NFILZ: variants seen among roughly 807,000 people sequenced by gnomAD.
NFILZ encodes NFIL3 like basic leucine zipper.
At chr19:8,647,748 AACAC>A (rs138740763) in intron 3 of NFILZ, among the ~76,000 whole-genome samples, 98 of 137,208 alleles carry the variant, frequency 7.1e-4, no homozygotes, top group African/African-American at 1.6e-3. Flanking sequence ...GGAGGGGAAC[AACAC>A]ACACACACAC....
chr19:8,637,028 G>A (rs75896965), intron 3 of NFILZ, among the ~76,000 whole-genome samples: 1 of 152,086 alleles, frequency 6.6e-6, no homozygotes, highest in Non-Finnish European at 1.5e-5. Flanking sequence ...GGTGCCTGGA[G>A]GGGAGGCCAG....
At position 8,679,263 on chromosome 19, in the gene NFILZ, C is replaced by T. The variant is rs1188593328; in HGVS notation, c.*1628C>T. 6.1e-5 allele frequency among the ~76,000 whole-genome samples: 8 copies of T among 131,968 alleles called. No homozygotes were observed. Among genetic ancestry groups the T allele is most frequent in the African/African-American group, 2.4e-4 (8 of 32,780 alleles). 86.6% of individuals were successfully genotyped at this position (131,968 alleles called of 152,430 possible). ...TCCTCCTCAGTTTCTCACTCAGCCC[C>T]TCTCCCATTATTATTATTATTATTA... On this transcript the variant is annotated 3_prime_UTR_variant, in exon 6 of 6. Transcript: ENST00000691075.
Position 8,678,052 on chromosome 19 carries a change from C to A in NFILZ, c.*417C>A, listed in dbSNP as rs1470077097. 1.8e-5 allele frequency among the ~76,000 whole-genome samples: 2 copies of A among 111,376 alleles called. No individual in the cohort carries two copies. Among genetic ancestry groups the A allele is most frequent in the African/African-American group, 7.0e-5 (2 of 28,758 alleles). 73.1% of individuals were successfully genotyped at this position (111,376 alleles called of 152,430 possible). A position where few individuals can be genotyped will look rare whatever the true frequency, so the allele number is the denominator to read the frequency against. Reference sequence around the variant, plus strand: ...TCTATCCATCCATCCATCCATCCATCCACCCATCTATTCATCCATCCATCA... The same window carrying A: ...TCTATCCATCCATCCATCCATCCATACACCCATCTATTCATCCATCCATCA... On this transcript the variant is annotated 3_prime_UTR_variant, in exon 6 of 6. Transcript: ENST00000691075.
At chr19:8,643,061 C>G (rs114529327) in intron 3 of NFILZ, among the ~76,000 whole-genome samples, 16 of 151,840 alleles carry the variant, frequency 1.1e-4, no homozygotes, top group South Asian at 6.2e-4. Context: ...GCTCTCCCCC[C>G]ACCTCAGCCT....
Position 8,678,812 on chromosome 19 carries a change from C to T in NFILZ, c.*1177C>T, listed in dbSNP as rs1416783362. Among the ~76,000 whole-genome samples the T allele has an allele frequency of 6.6e-6, 1 of 152,176 alleles. No homozygotes were observed. Among genetic ancestry groups the T allele is most frequent in the Non-Finnish European group, 1.5e-5 (1 of 68,038 alleles). Reference sequence around the variant, plus strand: ...TAATTTACTTATAATTCACTTGTCCCCTCACCCACCCACTCACGATCTTTA... The same window carrying T: ...TAATTTACTTATAATTCACTTGTCCTCTCACCCACCCACTCACGATCTTTA... On this transcript the variant is annotated 3_prime_UTR_variant, in exon 6 of 6. Coordinates refer to ENST00000691075, the MANE Select transcript of NFILZ (RefSeq NM_001378600.1).
intron 3 of NFILZ, among the ~76,000 whole-genome samples, chr19:8,661,707 C>A (rs1402412914): frequency 6.6e-6 from 1 of 152,148 alleles, no homozygotes; most frequent in Admixed American, 6.5e-5. Flanking sequence ...GCCTGGCCAA[C>A]ATCGTGAAAC....
chr19:8,654,232 C>CAAAACAAACAAACA (rs1190773589), intron 3 of NFILZ, among the ~76,000 whole-genome samples: 1 of 145,872 alleles, frequency 6.9e-6, no homozygotes, highest in Non-Finnish European at 1.5e-5. Context: ...AATTCTGTCT[C>CAAAACAAACAAACA]AAAACAAACA....
At chr19:8,654,272 A>G (rs2042982132) in intron 3 of NFILZ, among the ~76,000 whole-genome samples, 2 of 150,454 alleles carry the variant, frequency 1.3e-5, no homozygotes, top group Non-Finnish European at 2.9e-5. Context: ...ACAAACCAAA[A>G]AACCAAAAAC....
At position 8,674,608 on chromosome 19, in the gene NFILZ, A is replaced by C. The variant is rs2043102815; in HGVS notation, c.-114+8A>C. Among the ~76,000 whole-genome samples the C allele has an allele frequency of 6.6e-6, 1 of 151,892 alleles. No homozygotes were observed. Among genetic ancestry groups the C allele is most frequent in the African/African-American group, 2.4e-5 (1 of 41,364 alleles). On this transcript the variant is annotated splice_region_variant and intron_variant, in intron 4 of 5. Transcript: ENST00000691075. ...TCTCCTATAAGGAATAAGGTATGCA[A>C]TATTTCTCAAACATTTTTGTATTCT...
intron 3 of NFILZ, among the ~76,000 whole-genome samples, chr19:8,668,203 G>A (rs1428557994): frequency 1.3e-5 from 2 of 152,148 alleles, no homozygotes; most frequent in African/African-American, 2.4e-5. Context: ...TGCCTGCCTT[G>A]GCCTCCCAAA....
intron 3 of NFILZ, among the ~76,000 whole-genome samples, chr19:8,637,186 G>A (rs1340422404): frequency 6.6e-6 from 1 of 152,040 alleles, no homozygotes. Flanking sequence ...AGTGAGCTAG[G>A]ACTGTGCACT....
At chr19:8,655,784 T>G (rs1373623621) in intron 3 of NFILZ, among the ~76,000 whole-genome samples, 1 of 152,152 alleles carries the variant, frequency 6.6e-6, no homozygotes, top group African/African-American at 2.4e-5. Context: ...CCTTTCTCTC[T>G]GGCGCTGTCT....
intron 3 of NFILZ, among the ~76,000 whole-genome samples, chr19:8,656,219 A>ACCTTCTCCCTGCAGCCTG (rs1555748303): frequency 2.3e-5 from 3 of 132,984 alleles, no homozygotes; most frequent in Non-Finnish European, 3.4e-5. Flanking sequence ...CCTGCAGCCC[A>ACCTTCTCCCTGCAGCCTG]CCTTCTCCCA....
At chr19:8,660,686 G>T (rs1406928744) in intron 3 of NFILZ, among the ~76,000 whole-genome samples, 1 of 143,990 alleles carries the variant, frequency 6.9e-6, no homozygotes, top group Admixed American at 7.1e-5. Context: ...TGCCCAGGTT[G>T]GAGTTCGATG....
chr19:8,672,147 C>T lies in NFILZ; in HGVS notation c.-163-2404C>T, dbSNP rs180864328. On this transcript the variant is annotated intron_variant, in intron 3 of 5. Coordinates refer to ENST00000691075, the MANE Select transcript of NFILZ (RefSeq NM_001378600.1). The stretch of plus-strand genomic sequence containing the variant: ...AAAGATATTCATGCATTTGTTAGTT[C>T]ATTCAAAAAATCCATGCATTTATTA... Among the ~76,000 whole-genome samples the T allele has an allele frequency of 2.0e-3, 299 of 151,704 alleles. 1 individual carries two copies. Among genetic ancestry groups the T allele is most frequent in the African/African-American group, 6.9e-3 (282 of 41,062 alleles).
intron 4 of NFILZ, among the ~76,000 whole-genome samples, chr19:8,675,818 A>G (rs1555750653): frequency 6.6e-6 from 1 of 152,146 alleles, no homozygotes; most frequent in African/African-American, 2.4e-5. Context: ...ATGGATGAAT[A>G]TATAGATGAA....
chr19:8,632,972 C>T (rs1319891308), intron 2 of NFILZ, among the ~76,000 whole-genome samples: 1 of 151,254 alleles, frequency 6.6e-6, no homozygotes, highest in Non-Finnish European at 1.5e-5. Context: ...ATCCGCCTGC[C>T]TCAGCCTCCC....
In NFILZ at chr19:8,642,960, T is replaced by TC. The variant is rs1305303630; in HGVS notation, c.-164+7214_-164+7215insC. On this transcript the variant is annotated intron_variant, in intron 3 of 5. Transcript: ENST00000691075. ...ACTTAAAGGATTTTGACTCTTTTTTTTTTTTTTGAGACAGGGTATCTCCCT... is the reference window on the plus strand; with the variant it reads ...ACTTAAAGGATTTTGACTCTTTTTTTCTTTTTTTGAGACAGGGTATCTCCCT... 8.1e-3 allele frequency among the ~76,000 whole-genome samples: 1,223 copies of TC among 150,678 alleles called. 18 individuals carry two copies. The highest frequency in any genetic ancestry group is 0.036 in the South Asian group (169 of 4,710).
At chr19:8,639,005 G>T (rs1392806435) in intron 3 of NFILZ, among the ~76,000 whole-genome samples, 4 of 151,964 alleles carry the variant, frequency 2.6e-5, no homozygotes, top group African/African-American at 9.7e-5. Context: ...ACCATGCCCA[G>T]CTAATTTTTT....
Sources: gnomAD v4.1 joint callset for allele counts (sites outside exome capture counted in the v4.1 genomes callset) on GRCh38, gnomAD v4.1.1 for gene constraint, MANE v1.5 for transcripts, NCBI Gene and HGNC (gene_info 2026-07-23, HGNC 2026-07-21) for gene names.